The following DNAJC3 variants were observed in gnomAD, a reference collection of about 807,000 sequenced individuals.
DNAJC3 encodes the protein dnaJ homolog subfamily C member 3.
DNAJC3 carries 38 observed loss-of-function variants against 68.6 expected under a neutral mutation model. That is an observed-to-expected ratio of 0.55 (90% CI 0.43 to 0.73). The LOEUF (loss-of-function observed/expected upper bound fraction) is 0.73. Ranked by LOEUF, DNAJC3 falls within the 30% of genes least tolerant of loss-of-function variation. The pLI is 0.00. For synonymous variants in DNAJC3, 203 were observed against 204.0 expected (o/e 1.00, Z 0.04); for missense variants, 526 against 591.9 (o/e 0.89, Z 1.16).
intron 4 of DNAJC3, among the ~76,000 whole-genome samples, chr13:95,739,283 A>G (rs1882043046): frequency 6.6e-6 from 1 of 151,638 alleles, no homozygotes; most frequent in African/African-American, 2.4e-5. Flanking sequence ...AACTTTGGTG[A>G]ATCTGACAAT....
At chr13:95,755,319 C>T (rs1882618437) in intron 4 of DNAJC3, among the ~76,000 whole-genome samples, 1 of 152,102 alleles carries the variant, frequency 6.6e-6, no homozygotes, top group African/African-American at 2.4e-5. Context: ...GCTGTAGTGG[C>T]ATGCACCTGT....
chr13:95,693,434 C>T (rs1002424304), intron 1 of DNAJC3: 1 of 152,092 alleles, frequency 6.6e-6, no homozygotes, highest in Non-Finnish European at 1.5e-5. Context: ...TAGGACAACC[C>T]CACTTCACAA....
At chr13:95,765,571 T>TG (rs1244247452) in intron 9 of DNAJC3, among the ~76,000 whole-genome samples, 1 of 148,180 alleles carries the variant, frequency 6.7e-6, no homozygotes. Context: ...TGATCTGTTT[T>TG]TTTTTTTTTT....
intron 7 of DNAJC3, among the ~76,000 whole-genome samples, chr13:95,762,250 G>C (rs565508248): frequency 6.6e-6 from 1 of 151,982 alleles, no homozygotes. Context: ...CAACAAGAGC[G>C]AAACTCCGTC....
At chr13:95,747,016 C>T (rs531524884) in intron 4 of DNAJC3, among the ~76,000 whole-genome samples, 4 of 151,996 alleles carry the variant, frequency 2.6e-5, no homozygotes, top group Non-Finnish European at 5.9e-5. Context: ...TTTGGGCTTA[C>T]GTGGATAATA....
chr13:95,770,127 G>T (rs1189827468), intron 9 of DNAJC3, among the ~76,000 whole-genome samples: 1 of 152,208 alleles, frequency 6.6e-6, no homozygotes, highest in Non-Finnish European at 1.5e-5. Flanking sequence ...ATTTGATTTA[G>T]TGCAGAGGGT....
At chr13:95,711,122 G>C (rs1880942612) in intron 2 of DNAJC3, among the ~76,000 whole-genome samples, 2 of 152,140 alleles carry the variant, frequency 1.3e-5, no homozygotes, top group African/African-American at 4.8e-5. Context: ...CTTAAACTCA[G>C]ATTTTTATTA....
In DNAJC3 at chr13:95,760,541, A is replaced by G. The variant is rs1210902576; in HGVS notation, c.729-138A>G. The G allele has an allele frequency of 3.7e-6, 4 of 1,087,090 alleles. No individual in the cohort carries two copies. In the Admixed American group the frequency reaches 1.1e-4, roughly 31 times the overall value. 67.3% of individuals were successfully genotyped at this position (1,087,090 alleles called of 1,614,324 possible). On this transcript the variant is annotated intron_variant, in intron 6 of 11. Coordinates refer to ENST00000602402, the MANE Select transcript of DNAJC3 (RefSeq NM_006260.5). ...ATGGTACAATGCCACGTATAAATGTATATAGTAAATTATAAGTCTCAGTAT... is the reference window on the plus strand; with the variant it reads ...ATGGTACAATGCCACGTATAAATGTGTATAGTAAATTATAAGTCTCAGTAT...
intron 4 of DNAJC3, among the ~76,000 whole-genome samples, chr13:95,739,799 T>C (rs1433949428): frequency 6.6e-6 from 1 of 152,184 alleles, no homozygotes; most frequent in Non-Finnish European, 1.5e-5. Flanking sequence ...TCTGAAGCCT[T>C]CTTCTCTCAG....
intron 1 of DNAJC3, among the ~76,000 whole-genome samples, chr13:95,696,079 C>G (rs1010685823): frequency 6.6e-6 from 1 of 152,202 alleles, no homozygotes; most frequent in Non-Finnish European, 1.5e-5. Flanking sequence ...CATGTACTAA[C>G]AATCCCTTAA....
chr13:95,693,825 A>G (rs1383532978), intron 1 of DNAJC3: 1 of 152,188 alleles, frequency 6.6e-6, no homozygotes, highest in Non-Finnish European at 1.5e-5. Flanking sequence ...CACTTCTACT[A>G]TACCTAGTTT....
At chr13:95,706,629 T>C (rs1309329619) in intron 1 of DNAJC3, among the ~76,000 whole-genome samples, 1 of 152,140 alleles carries the variant, frequency 6.6e-6, no homozygotes, top group African/African-American at 2.4e-5. Flanking sequence ...TGGGTAAAGC[T>C]GTCCTCAGGT....
intron 4 of DNAJC3, among the ~76,000 whole-genome samples, chr13:95,738,015 A>G (rs1397849810): frequency 7.5e-6 from 1 of 132,812 alleles, no homozygotes; most frequent in Non-Finnish European, 1.6e-5. Flanking sequence ...AGATTCTGGT[A>G]TGTTGTGTCT....
At chr13:95,790,682 C>T (rs1883740749) in intron 11 of DNAJC3, among the ~76,000 whole-genome samples, 191 bp from the exon 12 acceptor site, 1 of 151,996 alleles carries the variant, frequency 6.6e-6, no homozygotes, top group East Asian at 1.9e-4. Context: ...CTCCTTGTGG[C>T]AAATTTCTCT....
intron 1 of DNAJC3, chr13:95,695,699 T>G (rs1434694585): frequency 6.6e-6 from 1 of 152,166 alleles, no homozygotes; most frequent in Non-Finnish European, 1.5e-5. Context: ...ATAAGCTACT[T>G]AAATGAAACT....
chr13:95,733,580 A>G (rs1052618726), intron 4 of DNAJC3, among the ~76,000 whole-genome samples: 1 of 151,874 alleles, frequency 6.6e-6, no homozygotes, highest in African/African-American at 2.4e-5. Flanking sequence ...TTATGTTTTT[A>G]GTAGAAACGG....
intron 9 of DNAJC3, among the ~76,000 whole-genome samples, chr13:95,772,607 T>G (rs1883186833): frequency 6.6e-6 from 1 of 152,228 alleles, no homozygotes; most frequent in African/African-American, 2.4e-5. Flanking sequence ...GTTTGTTTCC[T>G]TGATGACTAA....
intron 2 of DNAJC3, among the ~76,000 whole-genome samples, chr13:95,720,643 T>G (rs1337657329): frequency 6.6e-6 from 1 of 152,210 alleles, no homozygotes; most frequent in East Asian, 1.9e-4. Flanking sequence ...GTTACTCTGA[T>G]TCCTACTCTT....
chr13:95,751,645 G>C (rs895089887), intron 4 of DNAJC3, among the ~76,000 whole-genome samples: 1 of 152,206 alleles, frequency 6.6e-6, no homozygotes, highest in Non-Finnish European at 1.5e-5. Flanking sequence ...CTACAAGATG[G>C]CACAAGAGTC....
Sources: gnomAD v4.1 joint callset for allele counts (sites outside exome capture counted in the v4.1 genomes callset) on GRCh38, gnomAD v4.1.1 for gene constraint, MANE v1.5 for transcripts, NCBI Gene and HGNC (gene_info 2026-07-23, HGNC 2026-07-21) for gene names.